UNC79: variants seen among roughly 807,000 people sequenced by gnomAD.
The protein encoded by UNC79 is protein unc-79 homolog.
UNC79 carries 37 observed loss-of-function variants against 283.1 expected under a neutral mutation model. That is an observed-to-expected ratio of 0.13 (90% CI 0.10 to 0.17). The LOEUF is 0.17. Ranked by LOEUF, UNC79 falls within the 10% of genes least tolerant of loss-of-function variation. The probability of loss-of-function intolerance (pLI) is 1.00; values close to 1 mark genes in which losing one functional copy is unlikely to be tolerated. For synonymous variants in UNC79, 1,107 were observed against 1,200.2 expected, an observed-to-expected ratio of 0.92 and a Z score of 1.61; for missense variants, 2,272 against 3,211.1, an observed-to-expected ratio of 0.71 and a Z score of 7.07.
intron 4 of UNC79, among the ~76,000 whole-genome samples, chr14:93,481,689 C>T (rs527720904): frequency 1.3e-5 from 2 of 152,098 alleles, no homozygotes; most frequent in Non-Finnish European, 2.9e-5. Context: ...TTGTTCTATT[C>T]CTACTACTAC....
Position 93,474,645 on chromosome 14 carries a change from A to G in UNC79, c.448+252A>G, listed in dbSNP as rs1456430188. 3.3e-5 allele frequency among the ~76,000 whole-genome samples: 5 copies of G among 152,200 alleles called. No individual in the cohort carries two copies. Among genetic ancestry groups the G allele is most frequent in the Non-Finnish European group, 5.9e-5 (4 of 68,032 alleles). On this transcript the variant is annotated intron_variant, in intron 3 of 48. Transcript: ENST00000555664. The surrounding 1 kb of genome is among the most constrained non-coding windows in gnomAD (Gnocchi z 4.1). ...GGGGCTGGAGAAAGGAGGAAGATGT[A>G]TAACAAGAAATTTTCTCTTCTTTCC...
intron 7 of UNC79, among the ~76,000 whole-genome samples, chr14:93,517,346 C>G (rs1386496538): frequency 9.6e-6 from 1 of 104,700 alleles, no homozygotes; most frequent in Non-Finnish European, 1.8e-5. Flanking sequence ...TTTTTTTGCA[C>G]TGCTTAATAT....
chr14:93,344,180 T>A (rs538352639), intron 1 of UNC79, among the ~76,000 whole-genome samples: 1 of 152,238 alleles, frequency 6.6e-6, no homozygotes, highest in African/African-American at 2.4e-5. Context: ...AAGATTAGGA[T>A]TAAACCAGTC....
intron 2 of UNC79, among the ~76,000 whole-genome samples, chr14:93,468,227 A>C (rs901989311): frequency 7.9e-5 from 12 of 152,290 alleles, no homozygotes; most frequent in African/African-American, 2.9e-4. Flanking sequence ...GTTATTTTTA[A>C]TCTGGGTAAC....
intron 3 of UNC79, among the ~76,000 whole-genome samples, chr14:93,476,994 G>C (rs1445554056): frequency 6.6e-6 from 1 of 152,148 alleles, no homozygotes; most frequent in Non-Finnish European, 1.5e-5. Context: ...TAAAGATGTT[G>C]TTAGAAAGAT....
At chr14:93,545,276 T>C (rs2061544416) in intron 14 of UNC79, among the ~76,000 whole-genome samples, 1 of 152,228 alleles carries the variant, frequency 6.6e-6, no homozygotes, top group African/African-American at 2.4e-5. Flanking sequence ...AAGATTACTT[T>C]TGGTTACAAA....
intron 7 of UNC79, among the ~76,000 whole-genome samples, chr14:93,503,171 A>C (rs1484147913): frequency 6.6e-6 from 1 of 152,044 alleles, no homozygotes; most frequent in Admixed American, 6.5e-5. Context: ...GGAATAATCC[A>C]TTATTTATTT....
chr14:93,461,411 G>A (rs2056958103), intron 1 of UNC79, among the ~76,000 whole-genome samples: 1 of 152,110 alleles, frequency 6.6e-6, no homozygotes, highest in Admixed American at 6.6e-5. Context: ...CTCTCAAAAA[G>A]TAGCAAAGCT....
chr14:93,604,037 A>G (rs1314793871), intron 26 of UNC79, among the ~76,000 whole-genome samples: 1 of 152,234 alleles, frequency 6.6e-6, no homozygotes, highest in African/African-American at 2.4e-5. Context: ...TCTTTATATT[A>G]TAGTTTTAAA....
exon 26 of UNC79, chr14:93,603,250 G>T: frequency 6.2e-7 from 1 of 1,614,142 alleles, no homozygotes; most frequent in Non-Finnish European, 8.5e-7. Flanking sequence ...CATCACTGCT[G>T]TGAGGACCAA....
At chr14:93,659,477 G>C (rs540222062) in intron 39 of UNC79, among the ~76,000 whole-genome samples, 13 of 152,222 alleles carry the variant, frequency 8.5e-5, no homozygotes, top group African/African-American at 2.9e-4. Flanking sequence ...TGCTAACCCT[G>C]GGCCATGCCC....
In UNC79 at chr14:93,438,448, C is replaced by T. The variant is rs148249418; in HGVS notation, c.22+7397C>T. On this transcript the variant is annotated intron_variant, in intron 1 of 48. Transcript: ENST00000555664. ...CTCTCTACAACTTTTCTTTGATGCCCTGTCTAGATCTCTAAAAAAATAGGA... is the reference window on the plus strand; with the variant it reads ...CTCTCTACAACTTTTCTTTGATGCCTTGTCTAGATCTCTAAAAAAATAGGA... 2.3e-3 allele frequency among the ~76,000 whole-genome samples: 345 copies of T among 152,198 alleles called. 1 individual carries two copies. The highest frequency in any genetic ancestry group is 7.6e-3 in the African/African-American group (317 of 41,536).
chr14:93,446,655 A>C (rs1240532802), intron 1 of UNC79, among the ~76,000 whole-genome samples: 1 of 152,154 alleles, frequency 6.6e-6, no homozygotes, highest in Non-Finnish European at 1.5e-5. Flanking sequence ...TGGTCTCCCA[A>C]AGTTCTGGGA....
chr14:93,638,684 G>A (rs533942959), intron 32 of UNC79, among the ~76,000 whole-genome samples: 107 of 152,280 alleles, frequency 7.0e-4, no homozygotes, highest in African/African-American at 2.4e-3. Flanking sequence ...TCAGTGTAGC[G>A]TGCACTTCAG....
At chr14:93,420,462 A>T (rs573367649) in intron 1 of UNC79, among the ~76,000 whole-genome samples, 1 of 151,924 alleles carries the variant, frequency 6.6e-6, no homozygotes, top group East Asian at 1.9e-4. Context: ...TATGAAGAAA[A>T]TATTATTAGA....
intron 27 of UNC79, among the ~76,000 whole-genome samples, chr14:93,614,836 C>T (rs1243798101): frequency 6.6e-6 from 1 of 152,130 alleles, no homozygotes; most frequent in Non-Finnish European, 1.5e-5. Flanking sequence ...ACTCATATTG[C>T]TCCCAATGCC....
In UNC79 at chr14:93,419,869, G is replaced by A. The variant is rs573477562; in HGVS notation, c.-350-47802G>A. On this transcript the variant is annotated intron_variant, in intron 1 of 49. Coordinates refer to the UNC79 transcript ENST00000256339. The stretch of plus-strand genomic sequence containing the variant: ...GCTTGAGGCCAGAAGTTCCAGACCA[G>A]CTTGGGCAACATAGTGAGACCCTGT... Among the ~76,000 whole-genome samples the A allele has an allele frequency of 2.0e-5, 3 of 151,638 alleles. No homozygotes were observed. In the East Asian group the frequency reaches 5.8e-4, roughly 30 times the overall value.
At chr14:93,637,828 C>A (rs895832468) in intron 32 of UNC79, among the ~76,000 whole-genome samples, 2 of 152,210 alleles carry the variant, frequency 1.3e-5, no homozygotes, top group Non-Finnish European at 2.9e-5. Flanking sequence ...GGTCCTTCAG[C>A]ATTCCTCCTC....
At chr14:93,682,820 G>C in intron 42 of UNC79, 126 bp downstream of exon 45, 1 of 803,562 alleles carries the variant, frequency 1.2e-6, no homozygotes, top group Non-Finnish European at 2.0e-6. Flanking sequence ...CTTTTGGAAC[G>C]TATTTTAACC....
Sources: allele counts gnomAD v4.1 joint callset (sites outside exome capture counted in the v4.1 genomes callset), GRCh38; gene constraint gnomAD v4.1.1; non-coding constraint Gnocchi (gnomAD v3.1); transcripts MANE v1.5; gene names NCBI Gene and HGNC (gene_info 2026-07-23, HGNC 2026-07-21).